Variants in PCDH15 observed in about 807,000 individuals in gnomAD.
PCDH15 encodes protocadherin-15.
A neutral mutation model predicts 178.5 loss-of-function variants in PCDH15; 129 were observed. The observed-to-expected ratio is 0.72, with a 90% CI of 0.63 to 0.84. The LOEUF (loss-of-function observed/expected upper bound fraction) is 0.84. Ranked by LOEUF, PCDH15 falls within the 40% of genes least tolerant of loss-of-function variation. PCDH15 has a pLI of 0.00. For synonymous variants in PCDH15, 800 were observed against 732.0 expected (o/e 1.09, Z -1.50); for missense variants, 2,230 against 2,099.9 (o/e 1.06, Z -1.21).
chr10:55,456,727 A>G (rs377653495), intron 2 of PCDH15, among the ~76,000 whole-genome samples: 4 of 152,088 alleles, frequency 2.6e-5, no homozygotes, highest in Admixed American at 6.6e-5. Flanking sequence ...AGGTATGCCA[A>G]TGAGAGTCTA....
At chr10:54,261,233 T>G (rs2057294965) in intron 8 of PCDH15, among the ~76,000 whole-genome samples, 2 of 152,132 alleles carry the variant, frequency 1.3e-5, no homozygotes, top group Admixed American at 1.3e-4. Context: ...TAAATAGCTA[T>G]TAAAAATATA....
intron 7 of PCDH15, among the ~76,000 whole-genome samples, chr10:54,325,432 A>G (rs777832865): frequency 1.3e-5 from 2 of 152,020 alleles, no homozygotes; most frequent in East Asian, 3.9e-4. Flanking sequence ...CATGACTTAC[A>G]TTGTGCATAC....
At chr10:54,937,587 T>TA (rs1837939872) in intron 2 of PCDH15, among the ~76,000 whole-genome samples, 1 of 151,978 alleles carries the variant, frequency 6.6e-6, no homozygotes. Flanking sequence ...ATTGTAAATG[T>TA]AATTAATCAC....
At chr10:54,442,752 C>G (rs1272323504) in intron 3 of PCDH15, among the ~76,000 whole-genome samples, 1 of 151,222 alleles carries the variant, frequency 6.6e-6, no homozygotes, top group African/African-American at 2.4e-5. Context: ...GTAATAAAGA[C>G]TACAACATTT....
chr10:55,377,287 T>C (rs568493665), intron 2 of PCDH15, among the ~76,000 whole-genome samples: 17 of 152,030 alleles, frequency 1.1e-4, no homozygotes, highest in Admixed American at 7.2e-4. Context: ...TGACTTGCTA[T>C]ATGTCATAAG....
At chr10:54,520,920 C>T (rs535548094) in intron 3 of PCDH15, among the ~76,000 whole-genome samples, 58 of 151,622 alleles carry the variant, frequency 3.8e-4, no homozygotes, top group African/African-American at 1.1e-3. Flanking sequence ...TGTAGGGACA[C>T]GGATGAAACG....
chr10:55,483,804 A>G, intron 2 of PCDH15, among the ~76,000 whole-genome samples: 1 of 137,016 alleles, frequency 7.3e-6, no homozygotes, highest in Non-Finnish European at 1.6e-5. Flanking sequence ...TGAAAGAGTG[A>G]GACTCCATCT....
chr10:54,624,192 G>T (rs777324693), intron 2 of PCDH15, among the ~76,000 whole-genome samples: 15 of 151,978 alleles, frequency 9.9e-5, no homozygotes, highest in African/African-American at 1.9e-4. Context: ...ATAGGGTAAA[G>T]AAATAAATAA....
intron 13 of PCDH15, among the ~76,000 whole-genome samples, chr10:54,162,111 T>G (rs2133453245): frequency 6.6e-6 from 1 of 152,314 alleles, no homozygotes; most frequent in Admixed American, 6.5e-5. Context: ...TTATCCATTT[T>G]TTTCTGCTAC....
intron 2 of PCDH15, among the ~76,000 whole-genome samples, chr10:54,580,957 T>C (rs2090982145): frequency 6.6e-6 from 1 of 152,008 alleles, no homozygotes; most frequent in Non-Finnish European, 1.5e-5. Context: ...TACCTAAAAA[T>C]AATAAGAGTC....
At chr10:55,062,003 A>G (rs1167602178) in intron 2 of PCDH15, among the ~76,000 whole-genome samples, 1 of 152,230 alleles carries the variant, frequency 6.6e-6, no homozygotes, top group Non-Finnish European at 1.5e-5. Flanking sequence ...CTGGCAACAG[A>G]GCAAGACTCA....
chr10:55,350,894 A>G (rs1371552097), intron 2 of PCDH15, among the ~76,000 whole-genome samples: 1 of 152,164 alleles, frequency 6.6e-6, no homozygotes, highest in Non-Finnish European at 1.5e-5. Flanking sequence ...AAAATAAATC[A>G]TAACATATCT....
intron 2 of PCDH15, among the ~76,000 whole-genome samples, chr10:55,487,810 T>C (rs1047709352): frequency 1.3e-5 from 2 of 151,744 alleles, no homozygotes; most frequent in East Asian, 3.9e-4. Context: ...GTCTGTTCTG[T>C]GATAATGACT....
At chr10:54,011,493 A>G (rs549967603) in intron 20 of PCDH15, among the ~76,000 whole-genome samples, 1 of 152,156 alleles carries the variant, frequency 6.6e-6, no homozygotes, top group Non-Finnish European at 1.5e-5. Context: ...CAGAGCTACA[A>G]TGTGTAGCCT....
At chr10:54,493,361 C>T (rs1473463018) in intron 3 of PCDH15, among the ~76,000 whole-genome samples, 1 of 151,998 alleles carries the variant, frequency 6.6e-6, no homozygotes, top group Non-Finnish European at 1.5e-5. Flanking sequence ...GCCTCCTACA[C>T]CTACCCAACC....
intron 2 of PCDH15, among the ~76,000 whole-genome samples, chr10:55,622,052 TTGTATATATAA>T: frequency 7.4e-6 from 1 of 135,190 alleles, no homozygotes; most frequent in East Asian, 2.1e-4. Context: ...TATATATAAA[TTGTATATATAA>T]TGTATATATA....
chr10:53,811,680 G>C, intron 35 of PCDH15, 61 bp from the exon 36 acceptor site: 1 of 1,071,038 alleles, frequency 9.3e-7, no homozygotes, highest in Non-Finnish European at 1.3e-6. Context: ...TCAGGTCAAA[G>C]TCAGATTTCT....
In PCDH15 at chr10:54,306,880, T is replaced by C. The variant is rs57312573; in HGVS notation, c.876+10391A>G. 5.7e-3 allele frequency among the ~76,000 whole-genome samples: 854 copies of C among 150,442 alleles called. 10 individuals carry two copies. The highest frequency in any genetic ancestry group is 0.02 in the African/African-American group (808 of 41,086). On this transcript the variant is annotated intron_variant, in intron 8 of 37. Coordinates refer to ENST00000644397, the MANE Select transcript of PCDH15 (RefSeq NM_001384140.1). ...TAAAACACATAGGTATGGCTTTTGT[T>C]CTCAACCTTCAGCTCCTAATTCCTT...
At chr10:53,858,091 C>T (rs1263176274) in intron 27 of PCDH15, among the ~76,000 whole-genome samples, 3 of 152,044 alleles carry the variant, frequency 2.0e-5, no homozygotes, top group Non-Finnish European at 4.4e-5. Context: ...AGAGCTTGTG[C>T]TCTTTACTAT....
Sources: gnomAD v4.1 joint callset for allele counts (sites outside exome capture counted in the v4.1 genomes callset) on GRCh38, gnomAD v4.1.1 for gene constraint, MANE v1.5 for transcripts, NCBI Gene and HGNC (gene_info 2026-07-23, HGNC 2026-07-21) for gene names.